Variants in SYNE1 observed in about 807,000 individuals in gnomAD.
The protein encoded by SYNE1 is nesprin-1.
In SYNE1, 616 loss-of-function variants were observed where a neutral mutation model predicts 1,111.0. The observed-to-expected ratio is 0.55, with a 90% CI of 0.52 to 0.59. The LOEUF (loss-of-function observed/expected upper bound fraction) is 0.59, where lower values mean the gene tolerates loss of function less well. Ranked by LOEUF, SYNE1 falls within the 20% of genes least tolerant of loss-of-function variation. The probability of loss-of-function intolerance (pLI) is 0.00; values close to 1 mark genes in which losing one functional copy is unlikely to be tolerated. For synonymous variants in SYNE1, 3,855 were observed against 3,825.8 expected (o/e 1.01, Z -0.28); for missense variants, 10,006 against 10,417.0 (o/e 0.96, Z 1.72).
intron 35 of SYNE1, 91 bp downstream of exon 35, chr6:152,430,391 C>A (rs546648064): frequency 1.6e-6 from 2 of 1,264,980 alleles, no homozygotes; most frequent in African/African-American, 1.5e-5. Context: ...ATGTCTTTCT[C>A]TTATTCCACT....
rs1352787616 is a variant in SYNE1 at position 152,377,625 on chromosome 6, AAAAAAAAAAAAAAAAATATATATATATAT to A, written c.9010-742_9010-714del. Among the ~76,000 whole-genome samples, 4 of 107,654 alleles carry A rather than the reference AAAAAAAAAAAAAAAAATATATATATATAT, an allele frequency of 3.7e-5. No individual in the cohort carries two copies. The Admixed American group carries it at 3.7e-4, about 10-fold the overall frequency. 70.6% of individuals were successfully genotyped at this position (107,654 alleles called of 152,430 possible). On this transcript the variant is annotated intron_variant, in intron 56 of 145. Coordinates refer to ENST00000367255, the MANE Select transcript of SYNE1 (RefSeq NM_182961.4). ...CTCCGTCTTAAAAAAAAAAAAAAAA[AAAAAAAAAAAAAAAAATATATATATATAT>A]ATATATATATATATATATCTCCAAA...
chr6:152,202,847 T>C (rs1311272991), intron 126 of SYNE1, among the ~76,000 whole-genome samples: 1 of 152,256 alleles, frequency 6.6e-6, no homozygotes, highest in East Asian at 1.9e-4. Context: ...CATTTTTGAC[T>C]GGCTTTATCT....
intron 3 of SYNE1, among the ~76,000 whole-genome samples, chr6:152,566,358 G>A (rs1308666993): frequency 2.0e-5 from 3 of 151,978 alleles, no homozygotes; most frequent in African/African-American, 7.3e-5. Context: ...GCAGTGTCAA[G>A]GGCAATGTTG....
At chr6:152,451,263 C>T in intron 25 of SYNE1, 58 bp from the exon 26 acceptor site, 1 of 1,561,442 alleles carries the variant, frequency 6.4e-7, no homozygotes, top group South Asian at 1.1e-5. Context: ...ATGTACATTC[C>T]CAATTGAAGT....
chr6:152,381,093 G>A lies in SYNE1; in HGVS notation c.8922C>T (p.Ala2974=). 6.2e-7 allele frequency: 1 copy of A among 1,614,152 alleles called. No homozygotes were observed. Among genetic ancestry groups the A allele is most frequent in the Non-Finnish European group, 8.5e-7 (1 of 1,180,026 alleles). ...QLEQALEQFS[A]LLKTWAQQLT... Reference sequence around the variant, plus strand: ...ACTGCTGAGCCCAGGTTTTCAGAAGGGCACTGAACTGTTCCAGGGCCTGCT... The same window carrying A: ...ACTGCTGAGCCCAGGTTTTCAGAAGAGCACTGAACTGTTCCAGGGCCTGCT... Residue 2974 remains alanine (A), a synonymous_variant, in exon 56 of 146, where the codon GCC becomes GCT. Coordinates refer to ENST00000367255, the MANE Select transcript of SYNE1 (RefSeq NM_182961.4).
intron 25 of SYNE1, among the ~76,000 whole-genome samples, chr6:152,451,853 G>A (rs745733525): frequency 6.6e-6 from 1 of 151,906 alleles, no homozygotes; most frequent in Non-Finnish European, 1.5e-5. Flanking sequence ...ACAAAAGCTA[G>A]GATTTTACCA....
intron 3 of SYNE1, among the ~76,000 whole-genome samples, chr6:152,565,395 G>A (rs2099409695): frequency 6.6e-6 from 1 of 152,152 alleles, no homozygotes; most frequent in Non-Finnish European, 1.5e-5. Flanking sequence ...TAGCAGATTT[G>A]TCCTCCAGTA....
Position 152,224,602 on chromosome 6 carries a change from G to A in SYNE1, c.21414C>T (p.Ala7138=), listed in dbSNP as rs144904215. 122 of 1,613,946 alleles carry A rather than the reference G, an allele frequency of 7.6e-5. 1 individual carries two copies. The African/African-American group carries it at 1.4e-3, about 19-fold the overall frequency. ...VLDQWSSHKV[A]FDKINSYLME... is the part of the protein sequence containing the mutation. ...TGAGGTAACTGTTTATCTTGTCAAAGGCCACTTTGTGACTACTCCATTGGT... is the reference window on the plus strand; with the variant it reads ...TGAGGTAACTGTTTATCTTGTCAAAAGCCACTTTGTGACTACTCCATTGGT... The change falls in exon 117 of 146, where the codon GCC becomes GCT. Residue 7138 remains alanine (A), a synonymous_variant. Transcript: ENST00000367255.
chr6:152,396,764 A>G lies in SYNE1; in HGVS notation c.7556+11T>C. ...TGTATGATGAAATCTATGTTTGTTA[A>G]ACTAACCTACCTTCCAAGTTCTGAA... On this transcript the variant is annotated intron_variant, in intron 50 of 145. Coordinates refer to ENST00000367255, the MANE Select transcript of SYNE1 (RefSeq NM_182961.4). 6.2e-7 allele frequency: 1 copy of G among 1,613,440 alleles called. No individual in the cohort carries two copies. The highest frequency in any genetic ancestry group is 1.1e-5 in the South Asian group (1 of 91,072).
At chr6:152,236,331 A>G in intron 109 of SYNE1, 28 bp from the exon 110 acceptor site, 1 of 1,551,616 alleles carries the variant, frequency 6.4e-7, no homozygotes, top group Non-Finnish European at 8.9e-7. Flanking sequence ...TTGAGTTAAA[A>G]GTTTGGATAT....
intron 105 of SYNE1, among the ~76,000 whole-genome samples, chr6:152,245,104 C>G (rs2086792427): frequency 6.6e-6 from 1 of 152,192 alleles, no homozygotes; most frequent in Non-Finnish European, 1.5e-5. Flanking sequence ...ACATATATTA[C>G]AGCATGGTCA....
In SYNE1 at chr6:152,430,194, G is replaced by C. The variant is rs764716819; in HGVS notation, c.4706C>G (p.Ser1569Cys). The change falls in exon 36 of 146, where the codon TCT becomes TGT. Residue 1569 changes from serine (S) to cysteine (C), a missense_variant. Coordinates refer to ENST00000367255, the MANE Select transcript of SYNE1 (RefSeq NM_182961.4). Reference sequence around the variant, plus strand: ...AACAGCAAGTTTATCTTCAAATTCAGACACAGATTGCTGGATCTAAAACAT... The same window carrying C: ...AACAGCAAGTTTATCTTCAAATTCACACACAGATTGCTGGATCTAAAACAT... The part of the protein sequence containing the change: ...ENLRKIQQSV[S>C]EFEDKLAVPI... The C allele has an allele frequency of 6.2e-7, 1 of 1,602,442 alleles. No individual in the cohort carries two copies. The highest frequency in any genetic ancestry group is 1.3e-5 in the African/African-American group (1 of 74,766).
chr6:152,449,337 C>G (rs1427398521), intron 28 of SYNE1, among the ~76,000 whole-genome samples, 196 bp downstream of exon 28: 1 of 152,200 alleles, frequency 6.6e-6, no homozygotes, highest in African/African-American at 2.4e-5. Flanking sequence ...GCATGACTAA[C>G]CCTCAAAGCT....
chr6:152,214,788 G>A, intron 122 of SYNE1, 118 bp downstream of exon 122: 1 of 1,369,308 alleles, frequency 7.3e-7, no homozygotes, highest in Non-Finnish European at 1.0e-6. Flanking sequence ...CTCCAGAACT[G>A]TGAGACTGTT....
At chr6:152,207,535 T>C (rs1051246756) in intron 125 of SYNE1, among the ~76,000 whole-genome samples, 2 of 152,146 alleles carry the variant, frequency 1.3e-5, no homozygotes, top group African/African-American at 4.8e-5. Context: ...GAGATATCTC[T>C]CTAAGATGCT....
intron 145 of SYNE1, chr6:152,128,886 A>C (rs2054449304): frequency 6.6e-6 from 1 of 152,252 alleles, no homozygotes; most frequent in Non-Finnish European, 1.5e-5. Flanking sequence ...AAACAGAGGT[A>C]CCGACGGTAA....
chr6:152,423,016 A>T (rs1441913269), intron 39 of SYNE1, among the ~76,000 whole-genome samples: 1 of 152,226 alleles, frequency 6.6e-6, no homozygotes, highest in Non-Finnish European at 1.5e-5. Flanking sequence ...TCTGTAGAGA[A>T]TCTGCACTAA....
intron 99 of SYNE1, among the ~76,000 whole-genome samples, chr6:152,268,714 A>G (rs1457956556): frequency 6.6e-6 from 1 of 152,252 alleles, no homozygotes; most frequent in Non-Finnish European, 1.5e-5. Context: ...CTAGGCAACA[A>G]TTAGCAATCC....
chr6:152,384,640 C>T (rs974819713), intron 55 of SYNE1, among the ~76,000 whole-genome samples: 1 of 152,148 alleles, frequency 6.6e-6, no homozygotes, highest in Non-Finnish European at 1.5e-5. Flanking sequence ...CTTTGGGAGG[C>T]CAAGGCAGGC....
Sources: allele counts gnomAD v4.1 joint callset (sites outside exome capture counted in the v4.1 genomes callset), GRCh38; gene constraint gnomAD v4.1.1; transcripts MANE v1.5; gene names NCBI Gene and HGNC (gene_info 2026-07-23, HGNC 2026-07-21).